Variants in STIM1 observed in about 807,000 individuals in gnomAD.
STIM1 encodes the protein stromal interaction molecule 1.
A neutral mutation model predicts 74.7 loss-of-function variants in STIM1; 25 were observed. That is an observed-to-expected ratio of 0.33 (90% confidence interval 0.24 to 0.47). The LOEUF (loss-of-function observed/expected upper bound fraction) is 0.47. Ranked by LOEUF, STIM1 falls within the 20% of genes least tolerant of loss-of-function variation. The pLI, the probability that STIM1 is intolerant of heterozygous loss-of-function variation, is 1.00. For synonymous variants in STIM1, 328 were observed against 348.8 expected (o/e 0.94, Z 0.66); for missense variants, 728 against 920.8 (o/e 0.79, Z 2.71).
In STIM1 at chr11:3,923,938, C is replaced by A. The variant is rs892102695; in HGVS notation, c.140-43614C>A. Among the ~76,000 whole-genome samples the A allele has an allele frequency of 3.3e-5, 5 of 152,194 alleles. 1 individual carries two copies. Among genetic ancestry groups the A allele is most frequent in the African/African-American group, 1.2e-4 (5 of 41,510 alleles). ...TAAATCTATAGATTGGGAGAACTGACAAACTATATGTAGTCTTTCAACTCA... is the reference window on the plus strand; with the variant it reads ...TAAATCTATAGATTGGGAGAACTGAAAAACTATATGTAGTCTTTCAACTCA... On this transcript the variant is annotated intron_variant, in intron 1 of 12. Coordinates refer to ENST00000526596, the MANE Select transcript of STIM1 (RefSeq NM_001382567.1).
chr11:3,942,511 A>G (rs574463865), intron 1 of STIM1, among the ~76,000 whole-genome samples: 60 of 152,144 alleles, frequency 3.9e-4, no homozygotes, highest in Non-Finnish European at 7.5e-4. Context: ...AACCTACCCT[A>G]TCCTTCTTTG....
chr11:4,089,068 C>CAA, intron 12 of STIM1: 11 of 254,750 alleles, frequency 4.3e-5, no homozygotes, highest in South Asian at 9.4e-5. Context: ...CCTGTCTCTA[C>CAA]AAAAAAAAAA....
At chr11:3,869,131 G>A (rs1480544510) in intron 1 of STIM1, among the ~76,000 whole-genome samples, 1 of 152,086 alleles carries the variant, frequency 6.6e-6, no homozygotes, top group Non-Finnish European at 1.5e-5. Context: ...ACCATGCTCG[G>A]TTAATTTTTT....
chr11:4,073,736 G>C (rs2094420283), intron 6 of STIM1, among the ~76,000 whole-genome samples: 1 of 152,176 alleles, frequency 6.6e-6, no homozygotes, highest in Non-Finnish European at 1.5e-5. Flanking sequence ...CGGTGCAAGG[G>C]TAGACTTACA....
chr11:4,026,159 C>G (rs141935962), intron 3 of STIM1, among the ~76,000 whole-genome samples: 1 of 152,208 alleles, frequency 6.6e-6, no homozygotes, highest in Non-Finnish European at 1.5e-5. Flanking sequence ...ATGTAGATGT[C>G]AGCAGTGGTC....
Position 4,092,360 on chromosome 11 carries a change from A to AG in STIM1, c.*562_*563insG. The AG allele has an allele frequency of 1.2e-5, 2 of 169,096 alleles. No homozygotes were observed. Among genetic ancestry groups the AG allele is most frequent in the Admixed American group, 5.4e-5 (1 of 18,406 alleles). 10.5% of individuals were successfully genotyped at this position (169,096 alleles called of 1,614,324 possible). On this transcript the variant is annotated 3_prime_UTR_variant, in exon 13 of 13. Transcript: ENST00000526596. ...TGTGGGTCAGAAGGAGCCTCATCCTAATCTCACTCAGGCCTCCAGGGATCC... is the reference window on the plus strand; with the variant it reads ...TGTGGGTCAGAAGGAGCCTCATCCTAGATCTCACTCAGGCCTCCAGGGATCC...
At chr11:4,038,027 C>A (rs1268249392) in intron 3 of STIM1, among the ~76,000 whole-genome samples, 1 of 150,822 alleles carries the variant, frequency 6.6e-6, no homozygotes, top group Non-Finnish European at 1.5e-5. Context: ...GTATCTTTAA[C>A]TCATCACAGT....
chr11:4,063,959 T>A (rs1001606640), intron 5 of STIM1, among the ~76,000 whole-genome samples: 1 of 152,200 alleles, frequency 6.6e-6, no homozygotes, highest in African/African-American at 2.4e-5. Flanking sequence ...ATCCTGTATT[T>A]TTAGGACTTC....
intron 1 of STIM1, among the ~76,000 whole-genome samples, chr11:3,877,575 G>A (rs1441064934): frequency 2.0e-5 from 3 of 152,102 alleles, no homozygotes; most frequent in Non-Finnish European, 2.9e-5. Flanking sequence ...CTTCTGTTCC[G>A]GATCAGTTGT....
chr11:4,043,468 A>G (rs188587050), intron 3 of STIM1, among the ~76,000 whole-genome samples: 14 of 152,248 alleles, frequency 9.2e-5, no homozygotes, highest in Admixed American at 3.9e-4. Context: ...CTTTTTTGTG[A>G]GAAAACATAA....
intron 2 of STIM1, among the ~76,000 whole-genome samples, chr11:3,980,168 T>C (rs865798889): frequency 3.3e-5 from 5 of 152,238 alleles, no homozygotes; most frequent in Admixed American, 1.3e-4. Flanking sequence ...ACTTCTACCA[T>C]GTGCCAAGCC....
At chr11:4,002,394 A>G (rs2093727572) in intron 2 of STIM1, among the ~76,000 whole-genome samples, 1 of 152,252 alleles carries the variant, frequency 6.6e-6, no homozygotes, top group South Asian at 2.1e-4. Flanking sequence ...TGTCTCTCAG[A>G]CCACAGTGCA....
chr11:3,889,511 G>GCA (rs2091834625), intron 1 of STIM1, among the ~76,000 whole-genome samples: 1 of 151,884 alleles, frequency 6.6e-6, no homozygotes, highest in Non-Finnish European at 1.5e-5. Context: ...GGGATTACAG[G>GCA]CACACGCCAC....
At chr11:3,992,383 T>TAGCCTGGGTGACAGAGTG (rs1301158170) in intron 2 of STIM1, among the ~76,000 whole-genome samples, 3 of 151,980 alleles carry the variant, frequency 2.0e-5, no homozygotes, top group Non-Finnish European at 4.4e-5. Flanking sequence ...CACTGCACTT[T>TAGCCTGGGTGACAGAGTG]AGCCTGGGTG....
intron 1 of STIM1, among the ~76,000 whole-genome samples, chr11:3,953,686 T>TA (rs1476896217): frequency 6.6e-6 from 1 of 152,222 alleles, no homozygotes; most frequent in Non-Finnish European, 1.5e-5. Context: ...TTCTGCCATT[T>TA]AGAGTCTGAG....
chr11:3,861,101 A>G (rs916909993), intron 1 of STIM1, among the ~76,000 whole-genome samples: 1 of 152,130 alleles, frequency 6.6e-6, no homozygotes, highest in Non-Finnish European at 1.5e-5. Context: ...GAAAGGAGGC[A>G]TTGTAAATAT....
rs202148825 is a variant in STIM1 at position 4,091,807 on chromosome 11, G to C, written c.*9G>C. On this transcript the variant is annotated 3_prime_UTR_variant, in exon 13 of 13. Coordinates refer to ENST00000526596, the MANE Select transcript of STIM1 (RefSeq NM_001382567.1). ...AGCCTCTTAAGAAGTAGGCAGGATG[G>C]GGTGGCAGTAAAGGGACAGCTTGTC... is the stretch of plus-strand genomic sequence containing the variant. 2 of 1,601,376 alleles carry C rather than the reference G, an allele frequency of 1.2e-6. No homozygotes were observed. Among genetic ancestry groups the C allele is most frequent in the South Asian group, 1.1e-5 (1 of 91,070 alleles).
intron 1 of STIM1, among the ~76,000 whole-genome samples, chr11:3,895,886 T>TTTTCTTTCTTTC (rs200576507): frequency 4.3e-5 from 6 of 140,762 alleles, no homozygotes; most frequent in African/African-American, 1.7e-4. Flanking sequence ...CTTTTCTTTC[T>TTTTCTTTCTTTC]TTTCTTTCTT....
chr11:3,860,049 C>A (rs1289380428), intron 1 of STIM1, among the ~76,000 whole-genome samples: 1 of 152,198 alleles, frequency 6.6e-6, no homozygotes, highest in African/African-American at 2.4e-5. Flanking sequence ...CATGTTCCTT[C>A]CCTCATGGAA....
Sources: gnomAD v4.1 joint callset for allele counts (sites outside exome capture counted in the v4.1 genomes callset) on GRCh38, gnomAD v4.1.1 for gene constraint, MANE v1.5 for transcripts, NCBI Gene and HGNC (gene_info 2026-07-23, HGNC 2026-07-21) for gene names.